Variants in CLSTN2 observed in about 807,000 individuals in gnomAD.
CLSTN2 encodes the protein calsyntenin-2.
In CLSTN2, 48 loss-of-function variants were observed where a neutral mutation model predicts 101.2. The observed-to-expected ratio is 0.47, with a 90% CI of 0.38 to 0.60. The LOEUF is 0.60. CLSTN2 is among the 20% of genes least tolerant of loss of function. The probability of loss-of-function intolerance (pLI) is 0.00; values close to 1 mark genes in which losing one functional copy is unlikely to be tolerated. For synonymous variants in CLSTN2, 481 were observed against 463.6 expected, an observed-to-expected ratio of 1.04 and a Z score of -0.48; for missense variants, 1,160 against 1,238.2, an observed-to-expected ratio of 0.94 and a Z score of 0.95.
intron 1 of CLSTN2, among the ~76,000 whole-genome samples, chr3:140,077,251 G>GGCCTCTTCTGTCCTAGTCATTCTCC (rs2008507403): frequency 6.6e-6 from 1 of 151,988 alleles, no homozygotes. Flanking sequence ...CTCTCTTCTG[G>GGCCTCTTCTGTCCTAGTCATTCTCC]GCCTCTTCTG....
chr3:140,034,361 A>G (rs2007614620), intron 1 of CLSTN2, among the ~76,000 whole-genome samples: 1 of 152,228 alleles, frequency 6.6e-6, no homozygotes, highest in Non-Finnish European at 1.5e-5. Flanking sequence ...TCATTAACCT[A>G]GAACTGGGAT....
At chr3:140,241,708 G>A (rs930857160) in intron 2 of CLSTN2, among the ~76,000 whole-genome samples, 1 of 151,640 alleles carries the variant, frequency 6.6e-6, no homozygotes, top group African/African-American at 2.4e-5. Context: ...TCCTTGGAGT[G>A]TTCCTGTGAG....
chr3:140,133,927 A>G (rs369318877), intron 1 of CLSTN2, among the ~76,000 whole-genome samples: 2 of 152,174 alleles, frequency 1.3e-5, no homozygotes, highest in Non-Finnish European at 1.5e-5. Flanking sequence ...ACTATTCTCT[A>G]TGGAAATAAG....
rs147879220 is a variant in CLSTN2, at chr3:140,306,054, C to T, written c.233-97575C>T. On this transcript the variant is annotated intron_variant, in intron 2 of 16. Transcript: ENST00000458420. ...CCACTAGTCAGTTACTCTCACTGTG[C>T]CCCCTACACCCTCATAGAAATGTAT... 7.0e-4 allele frequency among the ~76,000 whole-genome samples: 106 copies of T among 152,250 alleles called. 2 individuals are homozygous for T. The East Asian group carries it at 0.017, about 25-fold the overall frequency.
At chr3:140,530,499 TGA>T (rs1269404072) in intron 8 of CLSTN2, among the ~76,000 whole-genome samples, 1 of 152,234 alleles carries the variant, frequency 6.6e-6, no homozygotes, top group African/African-American at 2.4e-5. Context: ...ATTGTAATGT[TGA>T]GAGGGGATGC....
chr3:139,940,047 T>C (rs1935098967), intron 1 of CLSTN2, among the ~76,000 whole-genome samples: 1 of 152,182 alleles, frequency 6.6e-6, no homozygotes, highest in Non-Finnish European at 1.5e-5. Context: ...TCTGAGTGAC[T>C]TGCCTCTCTT....
chr3:140,318,010 G>T (rs578117255), intron 2 of CLSTN2, among the ~76,000 whole-genome samples: 1 of 152,168 alleles, frequency 6.6e-6, no homozygotes, highest in Non-Finnish European at 1.5e-5. Context: ...GCACATTACC[G>T]CTGTATGGGG....
chr3:140,553,946 A>T (rs1935753626), intron 10 of CLSTN2, among the ~76,000 whole-genome samples: 1 of 152,164 alleles, frequency 6.6e-6, no homozygotes, highest in Non-Finnish European at 1.5e-5. Flanking sequence ...GGGGAGTGAC[A>T]GGAGATGATA....
chr3:140,270,712 G>A (rs1033659911), intron 2 of CLSTN2, among the ~76,000 whole-genome samples: 1 of 152,144 alleles, frequency 6.6e-6, no homozygotes, highest in Admixed American at 6.5e-5. Context: ...TCCAGGAAGT[G>A]GCAAGTGCCA....
At chr3:140,228,327 C>A (rs1221456494) in intron 2 of CLSTN2, among the ~76,000 whole-genome samples, 1 of 152,170 alleles carries the variant, frequency 6.6e-6, no homozygotes, top group East Asian at 1.9e-4. Context: ...TAAAACATAA[C>A]AAGAGTCACC....
chr3:140,328,836 G>A (rs80355849), intron 2 of CLSTN2, among the ~76,000 whole-genome samples: 5,196 of 152,230 alleles, frequency 0.034, 138 homozygotes, highest in South Asian at 0.092. Context: ...TGATGGAAAG[G>A]CTTTAAACAG....
At position 140,383,805 on chromosome 3, in the gene CLSTN2, C is replaced by T. The variant is rs984946490; in HGVS notation, c.233-19824C>T. On this transcript the variant is annotated intron_variant, in intron 2 of 16. Transcript: ENST00000458420. ...GTATTTACCATACAGTGAGATGGAC[C>T]GTGTGGCTATAATTTATCTCACATT... Among the ~76,000 whole-genome samples the T allele has an allele frequency of 5.9e-5, 9 of 152,282 alleles. No homozygotes were observed. In the South Asian group the frequency reaches 1.2e-3, roughly 21 times the overall value.
At chr3:140,323,523 G>T (rs191022561) in intron 2 of CLSTN2, among the ~76,000 whole-genome samples, 4 of 152,134 alleles carry the variant, frequency 2.6e-5, no homozygotes, top group Non-Finnish European at 5.9e-5. Context: ...TCTGTAATCC[G>T]CAAGGCTTTA....
intron 1 of CLSTN2, among the ~76,000 whole-genome samples, chr3:140,068,245 C>T (rs2008331301): frequency 6.6e-6 from 1 of 152,192 alleles, no homozygotes; most frequent in African/African-American, 2.4e-5. Context: ...GGCCTGGAGC[C>T]ACTGTTTCAT....
At chr3:140,513,234 G>A (rs1934848359) in intron 8 of CLSTN2, among the ~76,000 whole-genome samples, 2 of 152,122 alleles carry the variant, frequency 1.3e-5, no homozygotes, top group African/African-American at 4.8e-5. Context: ...GTATGATATT[G>A]GCTGTGTGTT....
chr3:140,075,212 A>G (rs2008466208), intron 1 of CLSTN2, among the ~76,000 whole-genome samples: 1 of 151,932 alleles, frequency 6.6e-6, no homozygotes, highest in Non-Finnish European at 1.5e-5. Flanking sequence ...AATATTTATT[A>G]TTTTCTTTCT....
At chr3:140,147,860 A>G (rs1314939912) in intron 1 of CLSTN2, among the ~76,000 whole-genome samples, 1 of 152,210 alleles carries the variant, frequency 6.6e-6, no homozygotes, top group African/African-American at 2.4e-5. Context: ...CATTGTGGCC[A>G]TATGAGGAGG....
chr3:140,101,807 A>C (rs952832468), intron 1 of CLSTN2, among the ~76,000 whole-genome samples: 5 of 152,168 alleles, frequency 3.3e-5, no homozygotes, highest in Non-Finnish European at 7.4e-5. Flanking sequence ...GAAACGATGG[A>C]AAAGGCACAA....
At chr3:140,173,741 C>G (rs990816873) in intron 1 of CLSTN2, among the ~76,000 whole-genome samples, 2 of 152,244 alleles carry the variant, frequency 1.3e-5, no homozygotes, top group Non-Finnish European at 2.9e-5. Flanking sequence ...GCCACCAAGA[C>G]TTGGCGCTTG....
Sources: allele counts gnomAD v4.1 joint callset (sites outside exome capture counted in the v4.1 genomes callset), GRCh38; gene constraint gnomAD v4.1.1; transcripts MANE v1.5; gene names NCBI Gene and HGNC (gene_info 2026-07-23, HGNC 2026-07-21).